Variants in DZANK1 observed in about 807,000 individuals in gnomAD.
The protein encoded by DZANK1 is double zinc ribbon and ankyrin repeat domains 1.
A neutral mutation model predicts 94.5 loss-of-function variants in DZANK1; 91 were observed. The ratio of observed to expected loss-of-function variants is 0.96; its 90% confidence interval spans 0.81 to 1.15. The LOEUF (loss-of-function observed/expected upper bound fraction) is 1.15, where lower values mean the gene tolerates loss of function less well. Ranked by LOEUF, DZANK1 falls within the 50% of genes most tolerant of loss-of-function variation. The pLI is 0.00. For missense variants in DZANK1, 903 were observed against 916.4 expected, an observed-to-expected ratio of 0.99 and a Z score of 0.19; for synonymous variants, 312 against 325.3, an observed-to-expected ratio of 0.96 and a Z score of 0.44.
At chr20:18,414,312 C>T in intron 12 of DZANK1, 36 bp downstream of exon 12, 1 of 1,609,030 alleles carries the variant, frequency 6.2e-7, no homozygotes, top group Non-Finnish European at 8.5e-7. Flanking sequence ...ACAGCCTCTT[C>T]CTGGGTACCA....
At chr20:18,414,411 T>C (rs1394446325) in exon 12 of DZANK1, 1 of 1,613,854 alleles carries the variant, frequency 6.2e-7, no homozygotes, top group Non-Finnish European at 8.5e-7. Context: ...TAAGTTTCAC[T>C]AGGGACTTCA....
chr20:18,451,819 C>T (rs1222225315), intron 6 of DZANK1: 1 of 513,414 alleles, frequency 1.9e-6, no homozygotes, highest in East Asian at 5.5e-5. Context: ...CTGACCACCT[C>T]TACAACCTTG....
At chr20:18,444,424 T>C (rs1283186065) in intron 7 of DZANK1, among the ~76,000 whole-genome samples, 1 of 152,172 alleles carries the variant, frequency 6.6e-6, no homozygotes, top group African/African-American at 2.4e-5. Context: ...AAGGTCAAGG[T>C]AACTGGAGCT....
intron 17 of DZANK1, among the ~76,000 whole-genome samples, chr20:18,393,455 G>T (rs888500826): frequency 5.9e-5 from 9 of 152,126 alleles, no homozygotes; most frequent in Non-Finnish European, 7.3e-5. Context: ...AACCAAAGTC[G>T]AAAGATAGGC....
chr20:18,389,931 G>GC, intron 18 of DZANK1, 103 bp from the exon 19 acceptor site: 2 of 1,511,934 alleles, frequency 1.3e-6, no homozygotes, highest in Non-Finnish European at 1.8e-6. Flanking sequence ...CAGAGCTGAT[G>GC]CAACTAAAGT....
chr20:18,384,124 A>G (rs1035447848), exon 21 of DZANK1: 1 of 238,036 alleles, frequency 4.2e-6, no homozygotes, highest in African/African-American at 2.3e-5. Flanking sequence ...CGATGGCGCG[A>G]TCTTGGCTCA....
At chr20:18,405,043 T>C (rs967708180) in intron 13 of DZANK1, among the ~76,000 whole-genome samples, 2 of 151,950 alleles carry the variant, frequency 1.3e-5, no homozygotes, top group Admixed American at 6.6e-5. Context: ...AAATTTTTTT[T>C]TAATTAGCCA....
At chr20:18,428,836 T>G (rs774811485) in intron 9 of DZANK1, 3 of 152,344 alleles carry the variant, frequency 2.0e-5, no homozygotes, top group Non-Finnish European at 2.9e-5. Context: ...CTATGGAGTC[T>G]CAGCCTTTTA....
At chr20:18,413,887 T>C (rs1406148718) in intron 12 of DZANK1, among the ~76,000 whole-genome samples, 1 of 152,050 alleles carries the variant, frequency 6.6e-6, no homozygotes, top group Non-Finnish European at 1.5e-5. Context: ...AGAAGAAACA[T>C]GGAAAGTCTT....
intron 13 of DZANK1, among the ~76,000 whole-genome samples, chr20:18,410,628 G>C (rs1361911528): frequency 1.3e-5 from 2 of 152,094 alleles, no homozygotes; most frequent in African/African-American, 2.4e-5. Flanking sequence ...CAAACAAACA[G>C]GGATTGTCAG....
intron 7 of DZANK1, 52 bp downstream of exon 7, chr20:18,448,931 CA>C: frequency 7.1e-7 from 1 of 1,406,514 alleles, no homozygotes; most frequent in Non-Finnish European, 9.9e-7. Flanking sequence ...TCTCTTTGAC[CA>C]TGATGTATCT....
In DZANK1 at chr20:18,412,920, T is replaced by C. The variant is rs917583138; in HGVS notation, c.1243-85A>G. The C allele has an allele frequency of 2.3e-5, 32 of 1,387,880 alleles. No individual in the cohort carries two copies. In the Admixed American group the frequency reaches 4.5e-4, roughly 19 times the overall value. 86.0% of individuals were successfully genotyped at this position (1,387,880 alleles called of 1,614,324 possible). ...TTTAATCAATCTTGCATTTTACTTA[T>C]AGAAAACAACTCTAATCAGAATAAA... On this transcript the variant is annotated intron_variant, in intron 12 of 20. Coordinates refer to ENST00000262547, the Ensembl canonical transcript of DZANK1.
intron 8 of DZANK1, among the ~76,000 whole-genome samples, chr20:18,442,142 T>C (rs1021695203): frequency 5.9e-5 from 9 of 152,230 alleles, no homozygotes; most frequent in African/African-American, 2.2e-4. Flanking sequence ...GTTGCACTAA[T>C]AGAAATATAA....
At chr20:18,407,086 G>A (rs78337358) in intron 13 of DZANK1, among the ~76,000 whole-genome samples, 56 of 152,306 alleles carry the variant, frequency 3.7e-4, no homozygotes, top group African/African-American at 1.2e-3. Context: ...CTTGGCTCCC[G>A]ACAGCATCTG....
At chr20:18,449,158 T>C in intron 6 of DZANK1, 89 bp from the exon 7 acceptor site, 2 of 1,051,488 alleles carry the variant, frequency 1.9e-6, no homozygotes, top group Non-Finnish European at 2.9e-6. Context: ...CCATTAAAAA[T>C]CATTATGGGT....
At chr20:18,384,504 C>T in exon 21 of DZANK1, 1 of 1,611,906 alleles carries the variant, frequency 6.2e-7, no homozygotes, top group South Asian at 1.1e-5. Context: ...CTCCAGTGTT[C>T]AGAGCCAGGT....
intron 10 of DZANK1, among the ~76,000 whole-genome samples, 160 bp downstream of exon 10, chr20:18,426,907 T>C (rs1004970132): frequency 6.6e-6 from 1 of 152,230 alleles, no homozygotes; most frequent in Admixed American, 6.5e-5. Flanking sequence ...TGTATTGATA[T>C]AAAGTTCTCC....
chr20:18,429,948 C>T (rs2058215740), intron 9 of DZANK1, among the ~76,000 whole-genome samples: 1 of 152,198 alleles, frequency 6.6e-6, no homozygotes, highest in African/African-American at 2.4e-5. Flanking sequence ...GGATGGCAAA[C>T]ACCTATGATG....
chr20:18,404,079 C>T (rs899525479), intron 13 of DZANK1, among the ~76,000 whole-genome samples: 11 of 152,034 alleles, frequency 7.2e-5, no homozygotes, highest in Non-Finnish European at 1.0e-4. Context: ...GCGTGAGCCA[C>T]CGCGCCGGGC....
Sources: gnomAD v4.1 joint callset for allele counts (sites outside exome capture counted in the v4.1 genomes callset) on GRCh38, gnomAD v4.1.1 for gene constraint, MANE v1.5 for transcripts, NCBI Gene and HGNC (gene_info 2026-07-23, HGNC 2026-07-21) for gene names.